The following FOXP2 variants were observed in gnomAD, a reference collection of about 807,000 sequenced individuals.
The protein encoded by FOXP2 is forkhead box protein P2.
In FOXP2, 12 loss-of-function variants were observed where a neutral mutation model predicts 115.8. The ratio of observed to expected loss-of-function variants is 0.10; its 90% CI spans 0.07 to 0.17. The LOEUF is 0.17. FOXP2 is among the 10% of genes least tolerant of loss of function. The pLI is 1.00. For synonymous variants in FOXP2, 328 were observed against 297.7 expected, an observed-to-expected ratio of 1.10 and a Z score of -1.05; for missense variants, 629 against 843.5, an observed-to-expected ratio of 0.75 and a Z score of 3.15.
At chr7:114,213,920 C>T (rs1030454257) in intron 1 of FOXP2, among the ~76,000 whole-genome samples, 5 of 152,104 alleles carry the variant, frequency 3.3e-5, no homozygotes, top group Admixed American at 3.3e-4. Context: ...GATATGCTCA[C>T]CTAAGTAAAG....
chr7:114,196,968 G>T (rs1459112089), intron 1 of FOXP2, among the ~76,000 whole-genome samples: 1 of 152,114 alleles, frequency 6.6e-6, no homozygotes, highest in African/African-American at 2.4e-5. Flanking sequence ...GAGGTGGAAG[G>T]ATTACTTGAG....
Position 114,297,531 on chromosome 7 carries a change from T to A in FOXP2, c.-11+9422T>A, listed in dbSNP as rs887783751. 9 of 257,494 alleles carry A rather than the reference T, an allele frequency of 3.5e-5. No homozygotes were observed. The South Asian group carries it at 5.0e-4, about 14-fold the overall frequency. 16.0% of individuals were successfully genotyped at this position (257,494 alleles called of 1,614,324 possible). A position where few individuals can be genotyped will look rare whatever the true frequency, so the allele number is the denominator to read the frequency against. ...ATTCGCACAACTATTAACTATTTTTTATAATGATTTCCACTAACCCTGTCA... is the reference window on the plus strand; with the variant it reads ...ATTCGCACAACTATTAACTATTTTTAATAATGATTTCCACTAACCCTGTCA... On this transcript the variant is annotated intron_variant, in intron 2 of 17. Transcript: ENST00000634411.
intron 2 of FOXP2, among the ~76,000 whole-genome samples, chr7:114,461,593 C>G (rs1342161813): frequency 6.6e-6 from 1 of 151,992 alleles, no homozygotes; most frequent in African/African-American, 2.4e-5. Context: ...TCATGAGTTG[C>G]TTTTTGTTTT....
intron 1 of FOXP2, among the ~76,000 whole-genome samples, chr7:114,178,635 A>C (rs1793378833): frequency 1.3e-5 from 2 of 151,998 alleles, no homozygotes; most frequent in African/African-American, 4.8e-5. Flanking sequence ...TGTTGGTAGA[A>C]TGACCAAAGC....
intron 1 of FOXP2, among the ~76,000 whole-genome samples, chr7:114,271,408 C>T (rs993979965): frequency 6.8e-5 from 10 of 146,678 alleles, no homozygotes; most frequent in African/African-American, 1.0e-4. Context: ...TGTTAGCTGT[C>T]GGGATTTCAT....
chr7:114,236,734 C>T (rs939060513), intron 1 of FOXP2, among the ~76,000 whole-genome samples: 3 of 152,132 alleles, frequency 2.0e-5, no homozygotes, highest in Non-Finnish European at 2.9e-5. Context: ...CCCAGCACTT[C>T]GAGGGGCTGA....
At chr7:114,404,002 A>G (rs1262247112) in intron 2 of FOXP2, among the ~76,000 whole-genome samples, 1 of 152,156 alleles carries the variant, frequency 6.6e-6, no homozygotes, top group Non-Finnish European at 1.5e-5. Flanking sequence ...GAAGGTGGAC[A>G]TTCATTTGCC....
chr7:114,274,603 C>CCTTT (rs1796139497), intron 1 of FOXP2, among the ~76,000 whole-genome samples: 5 of 42,552 alleles, frequency 1.2e-4, no homozygotes, highest in African/African-American at 4.6e-4. Context: ...CCTCTCAAAG[C>CCTTT]TTTTTTTTTT....
At chr7:114,557,848 C>T (rs1354364103) in intron 3 of FOXP2, among the ~76,000 whole-genome samples, 2 of 151,654 alleles carry the variant, frequency 1.3e-5, no homozygotes, top group Admixed American at 6.6e-5. Context: ...CCTGCTCTGT[C>T]GCCCAGGCTG....
chr7:114,252,984 T>C (rs1023355328), intron 1 of FOXP2, among the ~76,000 whole-genome samples: 2 of 152,170 alleles, frequency 1.3e-5, no homozygotes, highest in African/African-American at 4.8e-5. Context: ...GAGATTCTAG[T>C]ATGTTGTGCC....
At chr7:114,233,438 T>C (rs1280520989) in intron 1 of FOXP2, among the ~76,000 whole-genome samples, 4 of 152,206 alleles carry the variant, frequency 2.6e-5, no homozygotes, top group African/African-American at 9.7e-5. Context: ...AAAGTAGTTA[T>C]TGATTAGTGG....
At chr7:114,614,078 G>A (rs1451017182) in intron 3 of FOXP2, among the ~76,000 whole-genome samples, 1 of 152,146 alleles carries the variant, frequency 6.6e-6, no homozygotes, top group Non-Finnish European at 1.5e-5. Flanking sequence ...TATAACTGAG[G>A]ATAAGTTTTT....
chr7:114,538,146 A>G (rs951332855), intron 3 of FOXP2, among the ~76,000 whole-genome samples: 6 of 151,750 alleles, frequency 4.0e-5, no homozygotes, highest in Non-Finnish European at 7.4e-5. Context: ...GTAAGTTAAC[A>G]CATCACCCCA....
intron 2 of FOXP2, among the ~76,000 whole-genome samples, chr7:114,488,289 A>G (rs532728718): frequency 2.6e-5 from 4 of 152,286 alleles, no homozygotes; most frequent in Non-Finnish European, 4.4e-5. Flanking sequence ...GGTTTCTCCC[A>G]AGACTCACGG....
chr7:114,343,499 A>C (rs1175976561), intron 2 of FOXP2, among the ~76,000 whole-genome samples: 4 of 151,570 alleles, frequency 2.6e-5, no homozygotes, highest in African/African-American at 9.7e-5. Flanking sequence ...TTGTACTATT[A>C]AATTCTCTAC....
At chr7:114,268,860 A>G (rs1050285255) in intron 1 of FOXP2, among the ~76,000 whole-genome samples, 4 of 152,160 alleles carry the variant, frequency 2.6e-5, no homozygotes, top group African/African-American at 7.2e-5. Flanking sequence ...CTATATTTTA[A>G]AGGAAATATA....
rs1189658050 is a variant in FOXP2, at chr7:114,693,151, C to G, written c.*3225C>G. The stretch of plus-strand genomic sequence containing the variant: ...TGGCACAGTTGTACTATTTGAAAAT[C>G]AATTAAAATTTTATGTGAATGTTAC... On this transcript the variant is annotated 3_prime_UTR_variant, in exon 17 of 17. Transcript: ENST00000350908. The G allele has an allele frequency of 2.2e-6, 1 of 453,604 alleles. No individual in the cohort carries two copies. Among genetic ancestry groups the G allele is most frequent in the Non-Finnish European group, 4.4e-6 (1 of 226,606 alleles). The allele number at this position is 453,604 out of a possible 1,614,324, so 28.1% of individuals were successfully genotyped here. A position where few individuals can be genotyped will look rare whatever the true frequency, so the allele number is the denominator to read the frequency against.
At chr7:114,224,728 G>A (rs951753353) in intron 1 of FOXP2, among the ~76,000 whole-genome samples, 12 of 152,050 alleles carry the variant, frequency 7.9e-5, no homozygotes, top group African/African-American at 2.9e-4. Context: ...TATGTTGCCT[G>A]AGTTGGCCTG....
At chr7:114,153,796 G>A (rs1792586604) in intron 1 of FOXP2, among the ~76,000 whole-genome samples, 1 of 152,086 alleles carries the variant, frequency 6.6e-6, no homozygotes, top group African/African-American at 2.4e-5. Context: ...AACCTTCTCT[G>A]ATATGGAAGT....
Sources: gnomAD v4.1 joint callset for allele counts (sites outside exome capture counted in the v4.1 genomes callset) on GRCh38, gnomAD v4.1.1 for gene constraint, MANE v1.5 for transcripts, NCBI Gene and HGNC (gene_info 2026-07-23, HGNC 2026-07-21) for gene names.